The following ZDHHC14 variants were observed in gnomAD, a reference collection of about 807,000 sequenced individuals.
ZDHHC14 encodes zDHHC palmitoyltransferase 14, also known as palmitoyltransferase ZDHHC14.
A neutral mutation model predicts 47.7 loss-of-function variants in ZDHHC14; 16 were observed. The ratio of observed to expected loss-of-function variants is 0.34; its 90% CI spans 0.23 to 0.51. The LOEUF (loss-of-function observed/expected upper bound fraction) is 0.51. Ranked by LOEUF, ZDHHC14 falls within the 20% of genes least tolerant of loss-of-function variation. The pLI is 0.97. For synonymous variants in ZDHHC14, 293 were observed against 278.9 expected, an observed-to-expected ratio of 1.05 and a Z score of -0.50; for missense variants, 515 against 662.5, an observed-to-expected ratio of 0.78 and a Z score of 2.44.
intron 1 of ZDHHC14, among the ~76,000 whole-genome samples, chr6:157,510,733 G>A (rs1269062834): frequency 6.6e-6 from 1 of 152,212 alleles, no homozygotes; most frequent in Admixed American, 6.5e-5. Flanking sequence ...AGCGAGGTGG[G>A]AGGGGCCCGG....
At chr6:157,588,451 T>C (rs1783776810) in intron 2 of ZDHHC14, among the ~76,000 whole-genome samples, 1 of 152,170 alleles carries the variant, frequency 6.6e-6, no homozygotes, top group Non-Finnish European at 1.5e-5. Flanking sequence ...AGAGTGAGAC[T>C]ATTTCTAAAA....
rs182396801 is a variant in ZDHHC14 at position 157,562,869 on chromosome 6, C to T, written c.406+20124C>T. On this transcript the variant is annotated intron_variant, in intron 2 of 8. Transcript: ENST00000359775. ...AGCTGCTCAGGACAACGGTTCCCTC[C>T]CGCCTCCCACCGCCCCCCAAGCACC... 1.5e-3 allele frequency among the ~76,000 whole-genome samples: 234 copies of T among 152,176 alleles called. 1 individual carries two copies. Among genetic ancestry groups the T allele is most frequent in the Admixed American group, 5.8e-3 (88 of 15,288 alleles).
intron 1 of ZDHHC14, among the ~76,000 whole-genome samples, chr6:157,464,812 T>C (rs927353280): frequency 6.6e-6 from 1 of 152,244 alleles, no homozygotes; most frequent in Admixed American, 6.5e-5. Context: ...TGCCTGATCC[T>C]GGCTGCCAGG....
At chr6:157,393,644 A>C (rs935700751) in intron 1 of ZDHHC14, among the ~76,000 whole-genome samples, 1 of 152,084 alleles carries the variant, frequency 6.6e-6, no homozygotes, top group African/African-American at 2.4e-5. Flanking sequence ...CTCAGTCTTC[A>C]CTTTTCCCTT....
intron 1 of ZDHHC14, among the ~76,000 whole-genome samples, chr6:157,492,128 C>T (rs1779933934): frequency 6.6e-6 from 1 of 151,900 alleles, no homozygotes; most frequent in African/African-American, 2.4e-5. Context: ...TCCCCTCTCA[C>T]CGGGGAGGAA....
At chr6:157,465,411 C>G (rs1779187883) in intron 1 of ZDHHC14, among the ~76,000 whole-genome samples, 1 of 151,994 alleles carries the variant, frequency 6.6e-6, no homozygotes, top group Admixed American at 6.5e-5. Flanking sequence ...GACAGAAAGT[C>G]CCTACTGAGT....
intron 1 of ZDHHC14, among the ~76,000 whole-genome samples, chr6:157,470,383 C>T (rs959739902): frequency 6.6e-6 from 1 of 152,144 alleles, no homozygotes. Flanking sequence ...GCCACCGCTC[C>T]TGAGATTAAG....
Position 157,641,123 on chromosome 6 carries a change from GT to G in ZDHHC14, c.753-4613del, listed in dbSNP as rs567922939. 5.3e-3 allele frequency among the ~76,000 whole-genome samples: 804 copies of G among 152,260 alleles called. 11 individuals are homozygous for G. Among genetic ancestry groups the G allele is most frequent in the African/African-American group, 0.019 (781 of 41,544 alleles). The stretch of plus-strand genomic sequence containing the variant: ...TAACTATTTCGTAGAATTCCACAGT[GT>G]AGATGAACTATAGTTTAGTCTTCTG... On this transcript the variant is annotated intron_variant, in intron 5 of 8. Coordinates refer to ENST00000359775, the MANE Select transcript of ZDHHC14 (RefSeq NM_024630.3).
intron 3 of ZDHHC14, among the ~76,000 whole-genome samples, chr6:157,626,907 G>A (rs1307671202): frequency 2.7e-5 from 4 of 150,274 alleles, no homozygotes; most frequent in African/African-American, 9.7e-5. Flanking sequence ...GGGGCGGCGG[G>A]GGCAGCAACA....
chr6:157,455,304 G>C (rs1221671980), intron 1 of ZDHHC14, among the ~76,000 whole-genome samples: 1 of 152,248 alleles, frequency 6.6e-6, no homozygotes, highest in Non-Finnish European at 1.5e-5. Flanking sequence ...CCTTCACAAG[G>C]GCAGAGTGAT....
Position 157,602,439 on chromosome 6 carries a change from G to A in ZDHHC14, c.565+9293G>A, listed in dbSNP as rs188688404. On this transcript the variant is annotated intron_variant, in intron 3 of 8. Coordinates refer to ENST00000359775, the MANE Select transcript of ZDHHC14 (RefSeq NM_024630.3). ...TGGGAGGCAGAGGTTGCAGTGAGCC[G>A]AGATGGCACCACTGCACTCCAGCCT... 9.0e-5 allele frequency among the ~76,000 whole-genome samples: 13 copies of A among 143,790 alleles called. No individual in the cohort carries two copies. In the East Asian group the frequency reaches 2.1e-3, roughly 23 times the overall value. The allele number at this position is 143,790 out of a possible 152,430, so 94.3% of individuals were successfully genotyped here. A position where few individuals can be genotyped will look rare whatever the true frequency, so the allele number is the denominator to read the frequency against.
At chr6:157,617,287 T>C (rs1364299328) in intron 3 of ZDHHC14, among the ~76,000 whole-genome samples, 3 of 152,226 alleles carry the variant, frequency 2.0e-5, no homozygotes, top group Non-Finnish European at 2.9e-5. Context: ...CACAGATATA[T>C]ATGGCCTTAT....
intron 1 of ZDHHC14, among the ~76,000 whole-genome samples, chr6:157,509,418 C>T (rs1474924): frequency 0.024 from 3,698 of 152,266 alleles, 239 homozygotes; most frequent in Admixed American, 0.15. Flanking sequence ...AATATGTACA[C>T]ACATAGTGAA....
chr6:157,538,730 G>C (rs1781633500), intron 1 of ZDHHC14, among the ~76,000 whole-genome samples: 1 of 152,158 alleles, frequency 6.6e-6, no homozygotes, highest in Non-Finnish European at 1.5e-5. Flanking sequence ...CTGCTTAGGG[G>C]GTGAGCCCAG....
At chr6:157,585,332 A>G (rs1034908139) in intron 2 of ZDHHC14, among the ~76,000 whole-genome samples, 2 of 151,490 alleles carry the variant, frequency 1.3e-5, no homozygotes, top group African/African-American at 4.9e-5. Flanking sequence ...TCCTTTTTCA[A>G]TTGCTGTATT....
At chr6:157,654,153 C>T (rs78365721) in intron 8 of ZDHHC14, among the ~76,000 whole-genome samples, 1 of 152,162 alleles carries the variant, frequency 6.6e-6, no homozygotes, top group East Asian at 1.9e-4. Flanking sequence ...CTGACCAGTG[C>T]CTCTCCAGAG....
intron 2 of ZDHHC14, among the ~76,000 whole-genome samples, chr6:157,558,702 AG>A (rs1235969885): frequency 6.6e-6 from 1 of 152,062 alleles, no homozygotes; most frequent in African/African-American, 2.4e-5. Context: ...GACAGTGCAC[AG>A]GGTGGTTGTA....
chr6:157,499,329 T>C (rs1341900275), intron 1 of ZDHHC14, among the ~76,000 whole-genome samples: 1 of 152,074 alleles, frequency 6.6e-6, no homozygotes, highest in Non-Finnish European at 1.5e-5. Flanking sequence ...CTTGTGAGGG[T>C]GGCTTCCTGG....
At chr6:157,667,138 TA>T (rs1778587085) in intron 8 of ZDHHC14, among the ~76,000 whole-genome samples, 1 of 152,254 alleles carries the variant, frequency 6.6e-6, no homozygotes, top group South Asian at 2.1e-4. Context: ...TATGAACTTT[TA>T]AAAGGTTGTT....
Sources: allele counts gnomAD v4.1 joint callset (sites outside exome capture counted in the v4.1 genomes callset), GRCh38; gene constraint gnomAD v4.1.1; transcripts MANE v1.5; gene names NCBI Gene and HGNC (gene_info 2026-07-23, HGNC 2026-07-21).